VCP: variants seen among roughly 807,000 people sequenced by gnomAD.
VCP encodes transitional endoplasmic reticulum ATPase.
In VCP, 6 loss-of-function variants were observed where a neutral mutation model predicts 85.7. The ratio of observed to expected loss-of-function variants is 0.07; its 90% CI spans 0.04 to 0.14. VCP has a LOEUF of 0.14. Among genes scored for constraint, VCP ranks in the 10% least tolerant of loss-of-function variants. The pLI is 1.00. For synonymous variants in VCP, 384 were observed against 367.1 expected (o/e 1.05, Z -0.53); for missense variants, 353 against 1,043.4 (o/e 0.34, Z 9.12).
chr9:35,071,305 T>A (rs896268535), intron 1 of VCP, among the ~76,000 whole-genome samples: 1 of 137,136 alleles, frequency 7.3e-6, no homozygotes. Context: ...TTTTTTTTTT[T>A]TTTTTTTTTT....
intron 1 of VCP, chr9:35,071,908 T>A: frequency 1.0e-6 from 1 of 1,002,392 alleles, no homozygotes; most frequent in Non-Finnish European, 1.2e-6. Context: ...GGCTGGGGCC[T>A]CGGGCTCGCG....
chr9:35,067,941 C>T lies in VCP; in HGVS notation c.252G>A (p.Met84Ile). Residue 84 changes from methionine to isoleucine, a missense_variant, in exon 3 of 17, where the codon ATG (methionine) becomes ATA (isoleucine). By Grantham distance (10) the Met-to-Ile change is conservative (BLOSUM62 1). This residue lies in a region of VCP where 69 missense variants were observed against 132.9 expected (regional missense o/e 0.52). Coordinates refer to ENST00000358901, the MANE Select transcript of VCP (RefSeq NM_007126.5). Reference sequence around the variant, plus strand: ...GAAGGTTATTCCGAACAACTCTATTCATCCGAATCTTCTCATCAGAACAAG... The same window carrying T: ...GAAGGTTATTCCGAACAACTCTATTTATCCGAATCTTCTCATCAGAACAAG... ...DDTCSDEKIRMNRVVRNNLRV... is the reference protein window; with the variant it reads ...DDTCSDEKIRINRVVRNNLRV... The T allele has an allele frequency of 6.2e-7, 1 of 1,614,244 alleles. No homozygotes were observed. The highest frequency in any genetic ancestry group is 8.5e-7 in the Non-Finnish European group (1 of 1,180,052).
At position 35,068,235 on chromosome 9, in the gene VCP, T is replaced by A. The variant is rs369006103; in HGVS notation, c.129+16A>T. The A allele has an allele frequency of 1.2e-5, 19 of 1,612,820 alleles. No homozygotes were observed. In the African/African-American group the frequency reaches 2.4e-4, roughly 20 times the overall value. ...TAAGTGCAGTAAGGAAAGACTAGTC[T>A]GTGGCCACAGCTTACCTGGGACAAG... On this transcript the variant is annotated intron_variant, in intron 2 of 16. Transcript: ENST00000358901.
chr9:35,059,485 G>C lies in VCP; in HGVS notation c.2004+8C>G. 6.2e-7 allele frequency: 1 copy of C among 1,613,710 alleles called. No homozygotes were observed. On this transcript the variant is annotated splice_region_variant and intron_variant, in intron 14 of 16. Coordinates refer to ENST00000358901, the MANE Select transcript of VCP (RefSeq NM_007126.5). The surrounding 1 kb of genome is among the most constrained non-coding windows in gnomAD (Gnocchi z 4.9). ...CAAGTCTCCCACAGCCCATGATCTT[G>C]CACCTGCCTTGGCAACTGGGGACTT... is the stretch of plus-strand genomic sequence containing the variant.
chr9:35,060,227 G>GC, intron 13 of VCP, 86 bp downstream of exon 13: 1 of 1,389,404 alleles, frequency 7.2e-7, no homozygotes, highest in Non-Finnish European at 1.0e-6. Flanking sequence ...CCAGCACTAA[G>GC]AATATTTCAA....
chr9:35,056,978 C>CA lies in VCP; in HGVS notation c.*138dup. On this transcript the variant is annotated 3_prime_UTR_variant, in exon 17 of 17. Coordinates refer to ENST00000358901, the MANE Select transcript of VCP (RefSeq NM_007126.5). ...GCAACAGAAACCCCCTGTCCAGAGT[C>CA]AGACTGTAGCTGAACTGTTCAGACT... is the stretch of plus-strand genomic sequence containing the variant. 1.2e-6 allele frequency: 1 copy of CA among 840,896 alleles called. No individual in the cohort carries two copies. The highest frequency in any genetic ancestry group is 1.4e-5 in the South Asian group (1 of 73,530). The allele number at this position is 840,896 out of a possible 1,614,324, so 52.1% of individuals were successfully genotyped here.
rs121909334 is a variant in VCP at position 35,065,255 on chromosome 9, C to T, written c.572G>A (p.Arg191Gln). The T allele has an allele frequency of 6.2e-7, 1 of 1,614,154 alleles. No individual in the cohort carries two copies. Among genetic ancestry groups the T allele is most frequent in the Non-Finnish European group, 8.5e-7 (1 of 1,180,026 alleles). The change falls in exon 5 of 17, where the codon CGA becomes CAA. Residue 191 changes from arginine to glutamine, a missense_variant. By Grantham distance (43) the Arg-to-Gln change is conservative. Transcript: ENST00000358901. ...GGAATCAGGGAGAAAACTCACCTCT[C>T]GTTTGATAGGCTCCCCTTCGCAGTG... ...VIHCEGEPIK[R>Q]EDEEESLNEV...
chr9:35,067,403 T>G (rs184626988), intron 3 of VCP, among the ~76,000 whole-genome samples: 3 of 152,216 alleles, frequency 2.0e-5, no homozygotes, highest in East Asian at 3.9e-4. Flanking sequence ...TTGAGAGCTA[T>G]CCCAGGTCTG....
At position 35,071,544 on chromosome 9, in the gene VCP, A is replaced by C. The variant is rs553743801; in HGVS notation, c.17+793T>G. On this transcript the variant is annotated intron_variant, in intron 1 of 16. Coordinates refer to ENST00000358901, the MANE Select transcript of VCP (RefSeq NM_007126.5). ...CCTGGAAATCTGGAAAGGCGCACAA[A>C]ACACGAACTGAGATTCCAACTTTAG... Among the ~76,000 whole-genome samples, 459 of 152,242 alleles carry C rather than the reference A, an allele frequency of 3.0e-3. 1 individual carries two copies. The highest frequency in any genetic ancestry group is 0.011 in the African/African-American group (437 of 41,538).
intron 1 of VCP, among the ~76,000 whole-genome samples, chr9:35,071,428 T>C (rs538137992): frequency 2.0e-5 from 3 of 149,758 alleles, no homozygotes; most frequent in African/African-American, 7.4e-5. Flanking sequence ...AGAGCCCGGG[T>C]AATTTCTCAA....
In VCP at chr9:35,066,267, T is replaced by C. The variant is rs1224027410; in HGVS notation, c.445+408A>G. Among the ~76,000 whole-genome samples the C allele has an allele frequency of 3.1e-3, 456 of 147,228 alleles. 1 individual carries two copies. Among genetic ancestry groups the C allele is most frequent in the African/African-American group, 0.011 (431 of 40,424 alleles). Reference sequence around the variant, plus strand: ...GCATCATAGTGAGACCCTGTCTCTTTTTTTTTTTTTTTGAGACAGAGTCTT... The same window carrying C: ...GCATCATAGTGAGACCCTGTCTCTTCTTTTTTTTTTTTGAGACAGAGTCTT... On this transcript the variant is annotated intron_variant, in intron 4 of 16. Transcript: ENST00000358901.
intron 1 of VCP, chr9:35,071,934 G>C (rs1828957029): frequency 1.9e-6 from 2 of 1,034,254 alleles, no homozygotes; most frequent in Non-Finnish European, 1.2e-6. Context: ...TGCTCTCTCC[G>C]GGGACCAAAG....
In VCP at chr9:35,072,458, G is replaced by A; in HGVS notation, c.-105C>T. ...GGGGCTCGGCTCTTCCAGGCGGTGG[G>A]CGAGCAGCGGCGACAAACCCGCAAG... On this transcript the variant is annotated 5_prime_UTR_variant, in exon 1 of 17. Coordinates refer to ENST00000358901, the MANE Select transcript of VCP (RefSeq NM_007126.5). The A allele has an allele frequency of 7.5e-7, 1 of 1,329,482 alleles. No homozygotes were observed. Among genetic ancestry groups the A allele is most frequent in the East Asian group, 3.1e-5 (1 of 32,336 alleles). The allele number at this position is 1,329,482 out of a possible 1,614,324, so 82.4% of individuals were successfully genotyped here.
chr9:35,060,588 CAGA>C, intron 12 of VCP, 63 bp from the exon 13 acceptor site: 1 of 1,562,704 alleles, frequency 6.4e-7, no homozygotes, highest in Non-Finnish European at 8.8e-7. Context: ...CCTAACTAAA[CAGA>C]AGCATCCCCT....
chr9:35,067,823 G>A lies in VCP; in HGVS notation c.302+68C>T, dbSNP rs1828862503. On this transcript the variant is annotated intron_variant, in intron 3 of 16. Coordinates refer to ENST00000358901, the MANE Select transcript of VCP (RefSeq NM_007126.5). ...GAACTTGGTCCTGCCTGTAATACATGGGTCCTGCCTGTAATGCAGGCTATC... is the reference window on the plus strand; with the variant it reads ...GAACTTGGTCCTGCCTGTAATACATAGGTCCTGCCTGTAATGCAGGCTATC... The A allele has an allele frequency of 1.9e-6, 3 of 1,600,558 alleles. No individual in the cohort carries two copies. In the East Asian group the frequency reaches 6.7e-5, roughly 36 times the overall value.
intron 3 of VCP, 133 bp downstream of exon 3, chr9:35,067,758 T>G: frequency 8.3e-7 from 1 of 1,199,180 alleles, no homozygotes; most frequent in Admixed American, 2.0e-5. Context: ...AGCATAAGTC[T>G]TCCCATGACC....
rs577812326 is a variant in VCP, at chr9:35,066,694, C to G, written c.426G>C (p.Ala142=). The stretch of plus-strand genomic sequence containing the variant: ...TCTCACCTTTCCGGATGGGTCGATA[C>G]GCTTCCAGGAAGTACGGCTTAAGGT... ...EVYLKPYFLE[A]YRPIRKGDIF... The change falls in exon 4 of 17, where the codon GCG becomes GCC. Residue 142 remains alanine, a synonymous_variant. Coordinates refer to ENST00000358901, the MANE Select transcript of VCP (RefSeq NM_007126.5). The G allele has an allele frequency of 1.9e-6, 3 of 1,614,020 alleles. No individual in the cohort carries two copies. Among genetic ancestry groups the G allele is most frequent in the African/African-American group, 1.3e-5 (1 of 75,004 alleles).
rs1465213951 is a variant in VCP at position 35,056,292 on chromosome 9, G to A, written c.*825C>T. 2.6e-5 allele frequency: 4 copies of A among 152,280 alleles called. No individual in the cohort carries two copies. The highest frequency in any genetic ancestry group is 9.7e-5 in the African/African-American group (4 of 41,444). 9.4% of individuals were successfully genotyped at this position (152,280 alleles called of 1,614,324 possible). A position where few individuals can be genotyped will look rare whatever the true frequency, so the allele number is the denominator to read the frequency against. On this transcript the variant is annotated 3_prime_UTR_variant, in exon 17 of 17. Coordinates refer to ENST00000358901, the MANE Select transcript of VCP (RefSeq NM_007126.5). ...CAGGATAAGGGATCCTGCAGGCCTA[G>A]CCTTACCGTCCACATCAAATATAGG...
intron 9 of VCP, 129 bp downstream of exon 9, chr9:35,061,874 C>T (rs756047728): frequency 3.8e-5 from 59 of 1,544,200 alleles, no homozygotes; most frequent in Non-Finnish European, 4.9e-5. Context: ...CTAGACAGGA[C>T]GTAGGGTAAA....
Sources: allele counts gnomAD v4.1 joint callset (sites outside exome capture counted in the v4.1 genomes callset), GRCh38; gene constraint gnomAD v4.1.1; regional missense constraint gnomAD v4.1.1; non-coding constraint Gnocchi (gnomAD v3.1); transcripts MANE v1.5; gene names NCBI Gene and HGNC (gene_info 2026-07-23, HGNC 2026-07-21).